Variants in MAP4K5 observed in about 807,000 individuals in gnomAD.
MAP4K5 encodes MAPK/ERK kinase kinase kinase 5.
MAP4K5 carries 82 observed loss-of-function variants against 135.6 expected under a neutral mutation model. That is an observed-to-expected ratio of 0.60 (90% CI 0.51 to 0.73). The LOEUF (loss-of-function observed/expected upper bound fraction) is 0.73. MAP4K5 is among the 30% of genes least tolerant of loss of function. The pLI, the probability that MAP4K5 is intolerant of heterozygous loss-of-function variation, is 0.00. For missense variants in MAP4K5, 907 were observed against 1,010.9 expected, an observed-to-expected ratio of 0.90 and a Z score of 1.39; for synonymous variants, 347 against 335.0, an observed-to-expected ratio of 1.04 and a Z score of -0.39.
rs1304118543 is a variant in MAP4K5 at position 50,532,062 on chromosome 14, C to G, written c.-13G>C. On this transcript the variant is annotated 5_prime_UTR_variant, in exon 2 of 33. Transcript: ENST00000682126. Reference sequence around the variant, plus strand: ...GCGGGGCCTCCATCTTCACTTAGGGCCCGGCCCCCGCCAGCTCACCCCGCG... The same window carrying G: ...GCGGGGCCTCCATCTTCACTTAGGGGCCGGCCCCCGCCAGCTCACCCCGCG... The G allele has an allele frequency of 6.0e-6, 9 of 1,511,850 alleles. No individual in the cohort carries two copies. In the South Asian group the frequency reaches 1.1e-4, roughly 18 times the overall value. The allele number at this position is 1,511,850 out of a possible 1,614,324, so 93.7% of individuals were successfully genotyped here. A position where few individuals can be genotyped will look rare whatever the true frequency, so the allele number is the denominator to read the frequency against.
chr14:50,450,356 G>A (rs2036455782), intron 14 of MAP4K5: 1 of 152,108 alleles, frequency 6.6e-6, no homozygotes, highest in African/African-American at 2.4e-5. Context: ...CAACTGTTTG[G>A]AGGCAATGCA....
rs184154465 is a variant in MAP4K5, at chr14:50,489,334, T to C, written c.167-3140A>G. ...CTGCACTTCAGACTGGGGAACAGAGTGAGAGTCTGTCTCCAAAGAAAAAGG... is the reference window on the plus strand; with the variant it reads ...CTGCACTTCAGACTGGGGAACAGAGCGAGAGTCTGTCTCCAAAGAAAAAGG... On this transcript the variant is annotated intron_variant, in intron 3 of 32. Coordinates refer to ENST00000682126, the MANE Select transcript of MAP4K5 (RefSeq NM_006575.6). Among the ~76,000 whole-genome samples, 72 of 152,212 alleles carry C rather than the reference T, an allele frequency of 4.7e-4. No individual in the cohort carries two copies. In the East Asian group the frequency reaches 0.012, roughly 25 times the overall value.
intron 9 of MAP4K5, among the ~76,000 whole-genome samples, chr14:50,469,451 G>C (rs1402819206): frequency 6.6e-6 from 1 of 152,114 alleles, no homozygotes; most frequent in East Asian, 1.9e-4. Flanking sequence ...ATGATCTACT[G>C]TTTATACAAA....
chr14:50,553,722 G>A (rs1406337871), intron 1 of MAP4K5, among the ~76,000 whole-genome samples: 1 of 152,176 alleles, frequency 6.6e-6, no homozygotes, highest in African/African-American at 2.4e-5. Flanking sequence ...CAACCAATGA[G>A]CGGATAAAGG....
rs531667221 is a variant in MAP4K5 at position 50,529,882 on chromosome 14, G to C, written c.108+2060C>G. ...GTGACTAGAGCAGAATGACTAAGGAGAGTGGTAGATGAGGCTGAGAAATAA... is the reference window on the plus strand; with the variant it reads ...GTGACTAGAGCAGAATGACTAAGGACAGTGGTAGATGAGGCTGAGAAATAA... On this transcript the variant is annotated intron_variant, in intron 2 of 32. Coordinates refer to ENST00000682126, the MANE Select transcript of MAP4K5 (RefSeq NM_006575.6). 6.0e-4 allele frequency among the ~76,000 whole-genome samples: 92 copies of C among 152,280 alleles called. No homozygotes were observed. In the South Asian group the frequency reaches 0.018, roughly 31 times the overall value.
intron 1 of MAP4K5, 139 bp from the exon 2 acceptor site, chr14:50,532,297 C>T (rs1446860113): frequency 4.6e-6 from 2 of 433,876 alleles, no homozygotes; most frequent in African/African-American, 2.1e-5. Flanking sequence ...GCCCCCGGCG[C>T]CCCGTATCCC....
intron 31 of MAP4K5, among the ~76,000 whole-genome samples, chr14:50,424,243 A>G (rs182287941): frequency 2.0e-5 from 3 of 152,282 alleles, no homozygotes; most frequent in African/African-American, 7.2e-5. Context: ...CTTGAATCAG[A>G]AAATAAATTA....
Position 50,542,652 on chromosome 14 carries a change from GT to G in MAP4K5, c.-179-69del, listed in dbSNP as rs200016265. Reference sequence around the variant, plus strand: ...ACCTGCCCTTACTTCTTTGCCACCTGTTTTTTTTTCAACCCATTATCTATAG... The same window carrying G: ...ACCTGCCCTTACTTCTTTGCCACCTGTTTTTTTTCAACCCATTATCTATAG... On this transcript the variant is annotated intron_variant, in intron 1 of 8. Transcript: ENST00000555216. The G allele has an allele frequency of 1.2e-3, 183 of 150,458 alleles. 2 individuals are homozygous for G. In the South Asian group the frequency reaches 0.034, roughly 28 times the overall value. 9.3% of individuals were successfully genotyped at this position (150,458 alleles called of 1,614,324 possible).
At chr14:50,531,507 G>A (rs927748207) in intron 2 of MAP4K5, among the ~76,000 whole-genome samples, 5 of 152,076 alleles carry the variant, frequency 3.3e-5, no homozygotes, top group African/African-American at 1.2e-4. Context: ...GTTTCATATG[G>A]CTTTTTTAGT....
intron 2 of MAP4K5, among the ~76,000 whole-genome samples, chr14:50,509,301 C>T (rs1377967569): frequency 6.6e-6 from 1 of 152,112 alleles, no homozygotes; most frequent in Non-Finnish European, 1.5e-5. Context: ...CAATATTTCA[C>T]TGCCCCTTTT....
chr14:50,473,483 G>A (rs1441158165), intron 9 of MAP4K5, among the ~76,000 whole-genome samples: 2 of 152,010 alleles, frequency 1.3e-5, no homozygotes, highest in South Asian at 2.1e-4. Flanking sequence ...TCTTTTTAAC[G>A]ACATAAGAAC....
chr14:50,560,138 C>A, intron 1 of MAP4K5: 1 of 1,106,906 alleles, frequency 9.0e-7, no homozygotes, highest in Admixed American at 2.0e-5. Flanking sequence ...GCCACAGCAA[C>A]ATCCTCAGAG....
At chr14:50,528,651 A>G (rs1173823922) in intron 2 of MAP4K5, among the ~76,000 whole-genome samples, 3 of 152,080 alleles carry the variant, frequency 2.0e-5, no homozygotes, top group Non-Finnish European at 4.4e-5. Flanking sequence ...TAAGCCCAGG[A>G]GTTCAAGGCT....
At chr14:50,451,938 C>T (rs2036496386) in intron 14 of MAP4K5, among the ~76,000 whole-genome samples, 1 of 152,142 alleles carries the variant, frequency 6.6e-6, no homozygotes, top group South Asian at 2.1e-4. Flanking sequence ...TACAAGTTTT[C>T]TGACTTTCTC....
intron 28 of MAP4K5, among the ~76,000 whole-genome samples, chr14:50,431,348 C>A (rs553879184): frequency 1.4e-4 from 22 of 152,228 alleles, no homozygotes; most frequent in African/African-American, 5.3e-4. Flanking sequence ...GTGCGCTGCA[C>A]CCACTAACTC....
At chr14:50,492,219 G>A (rs2037499737) in intron 3 of MAP4K5, among the ~76,000 whole-genome samples, 1 of 151,928 alleles carries the variant, frequency 6.6e-6, no homozygotes, top group Non-Finnish European at 1.5e-5. Context: ...CCATGACACT[G>A]GATTTGGTAG....
intron 6 of MAP4K5, among the ~76,000 whole-genome samples, chr14:50,480,830 G>C (rs11157746): frequency 0.91 from 138,384 of 152,196 alleles, 64,300 homozygotes; most frequent in East Asian, 1. Flanking sequence ...CAGCACATTA[G>C]TGTACTGATA....
At chr14:50,512,850 T>C (rs2037957951) in intron 2 of MAP4K5, among the ~76,000 whole-genome samples, 1 of 152,186 alleles carries the variant, frequency 6.6e-6, no homozygotes, top group South Asian at 2.1e-4. Flanking sequence ...TTAAATGTGA[T>C]ACTCTCAATT....
chr14:50,546,405 C>T (rs907904915), intron 1 of MAP4K5, among the ~76,000 whole-genome samples: 2 of 151,816 alleles, frequency 1.3e-5, no homozygotes, highest in Non-Finnish European at 1.5e-5. Context: ...AGAGAGCATA[C>T]ATGTTTATGT....
Sources: allele counts gnomAD v4.1 joint callset (sites outside exome capture counted in the v4.1 genomes callset), GRCh38; gene constraint gnomAD v4.1.1; transcripts MANE v1.5; gene names NCBI Gene and HGNC (gene_info 2026-07-23, HGNC 2026-07-21).